LRP1: variants seen among roughly 807,000 people sequenced by gnomAD.
The protein encoded by LRP1 is LDL receptor related protein 1.
A neutral mutation model predicts 541.5 loss-of-function variants in LRP1; 51 were observed. That is an observed-to-expected ratio of 0.09 (90% confidence interval 0.08 to 0.12). LRP1 has a LOEUF of 0.12. Among genes scored for constraint, LRP1 ranks in the 10% least tolerant of loss-of-function variants. LRP1 has a pLI of 1.00. For missense variants in LRP1, 3,878 were observed against 6,376.2 expected (o/e 0.61, Z 13.34); for synonymous variants, 2,219 against 2,470.8 (o/e 0.90, Z 3.02).
rs1421634689 is a variant in LRP1 at position 57,210,662 on chromosome 12, A to G, written c.12755-56A>G. On this transcript the variant is annotated intron_variant, in intron 82 of 88. Transcript: ENST00000243077. ...GGTCCCCCCAGCCCATTCCTCTGCT[A>G]TAGGGCCAGGTGGTCTCGAGGGCCA... 5 of 1,567,098 alleles carry G rather than the reference A, an allele frequency of 3.2e-6. No individual in the cohort carries two copies. The East Asian group carries it at 6.8e-5, about 21-fold the overall frequency.
rs1300843338 is a variant in LRP1 at position 57,205,152 on chromosome 12, G to A, written c.11238G>A (p.Glu3746=). Residue 3746 remains glutamate, a synonymous_variant, in exon 73 of 89, where the codon GAG becomes GAA. Coordinates refer to ENST00000243077, the MANE Select transcript of LRP1 (RefSeq NM_002332.3). The surrounding 1 kb of genome is among the most constrained non-coding windows in gnomAD (Gnocchi z 4.6). ...AHTTHCKDKK[E]FLCRNQRCLS... ...CCACCCACTGCAAAGACAAGAAGGA[G>A]TTTCTGTGCCGGAACCAGCGCTGCC... 1 of 1,613,996 alleles carries A rather than the reference G, an allele frequency of 6.2e-7. No homozygotes were observed. Among genetic ancestry groups the A allele is most frequent in the South Asian group, 1.1e-5 (1 of 91,084 alleles).
intron 4 of LRP1, among the ~76,000 whole-genome samples, chr12:57,144,105 A>G (rs1174075298): frequency 2.0e-5 from 3 of 152,144 alleles, no homozygotes; most frequent in African/African-American, 7.2e-5. Context: ...TCCCCTTCCC[A>G]TCTCCCTGGA....
At chr12:57,187,493 G>T (rs375864831) in intron 42 of LRP1, 37 bp downstream of exon 42, 59 of 1,587,190 alleles carry the variant, frequency 3.7e-5, no homozygotes, top group Non-Finnish European at 4.7e-5. Context: ...AGCAGGGAGA[G>T]GTGGGACTCG....
intron 68 of LRP1, chr12:57,202,890 C>T (rs2036686600): frequency 5.3e-6 from 3 of 568,268 alleles, no homozygotes; most frequent in Non-Finnish European, 9.4e-6. Flanking sequence ...GTGCTTGTCT[C>T]AGTGGTCTTG....
At position 57,162,771 on chromosome 12, in the gene LRP1, A is replaced by G; in HGVS notation, c.2405-87A>G. 7.0e-7 allele frequency: 1 copy of G among 1,420,290 alleles called. No individual in the cohort carries two copies. Among genetic ancestry groups the G allele is most frequent in the Non-Finnish European group, 9.6e-7 (1 of 1,046,890 alleles). 88.0% of individuals were successfully genotyped at this position (1,420,290 alleles called of 1,614,324 possible). A position where few individuals can be genotyped will look rare whatever the true frequency, so the allele number is the denominator to read the frequency against. On this transcript the variant is annotated intron_variant, in intron 14 of 88. Transcript: ENST00000243077. The surrounding 1 kb of genome is among the most constrained non-coding windows in gnomAD (Gnocchi z 5.2). Reference sequence around the variant, plus strand: ...CCATATTTCCTCTTTCTGTCCCCACATCTTAATGTGTCTCCTCCCCTATCC... The same window carrying G: ...CCATATTTCCTCTTTCTGTCCCCACGTCTTAATGTGTCTCCTCCCCTATCC...
chr12:57,177,385 G>A lies in LRP1; in HGVS notation c.4197-42G>A, dbSNP rs1011491919. ...CGATCCCACCACAGTCGCTCCCTGA[G>A]GGCCCTGACTTTAGCCCTCCTGACC... On this transcript the variant is annotated intron_variant, in intron 25 of 88. Transcript: ENST00000243077. This position sits in a 1 kb window ranked among gnomAD's most constrained non-coding sequence, Gnocchi z 6.8. 1.3e-6 allele frequency: 2 copies of A among 1,566,836 alleles called. No individual in the cohort carries two copies. The highest frequency in any genetic ancestry group is 1.4e-5 in the African/African-American group (1 of 74,066).
chr12:57,208,933 G>A lies in LRP1; in HGVS notation c.12145+116G>A, dbSNP rs117119988. 0.019 allele frequency: 20,439 copies of A among 1,091,734 alleles called. 2,930 individuals carry two copies. In the Admixed American group the frequency reaches 0.28, roughly 15 times the overall value. The allele number at this position is 1,091,734 out of a possible 1,614,324, so 67.6% of individuals were successfully genotyped here. On this transcript the variant is annotated intron_variant, in intron 78 of 88. Coordinates refer to ENST00000243077, the MANE Select transcript of LRP1 (RefSeq NM_002332.3). The stretch of plus-strand genomic sequence containing the variant: ...TGGGATGGGGCTTGGACTGGGGCAG[G>A]GCAGATTGGCCGTGGAGGCTTTTCC...
intron 67 of LRP1, 38 bp from the exon 68 acceptor site, chr12:57,202,383 G>A: frequency 6.8e-7 from 1 of 1,473,592 alleles, no homozygotes; most frequent in Non-Finnish European, 9.5e-7. Context: ...GTCTGCCCCA[G>A]CCCTTTCCCT....
At position 57,162,487 on chromosome 12, in the gene LRP1, G is replaced by T; in HGVS notation, c.2373G>T (p.Glu791Asp). 5 of 1,614,110 alleles carry T rather than the reference G, an allele frequency of 3.1e-6. No individual in the cohort carries two copies. Among genetic ancestry groups the T allele is most frequent in the Non-Finnish European group, 4.2e-6 (5 of 1,180,022 alleles). Residue 791 changes from glutamate to aspartate, a missense_variant, in exon 14 of 89, where the codon GAG (glutamate) becomes GAT (aspartate). Glu to Asp is a conservative substitution (Grantham distance 45). This residue lies in a region of LRP1 where 496 missense variants were observed against 861.0 expected (regional missense o/e 0.58). Coordinates refer to ENST00000243077, the MANE Select transcript of LRP1 (RefSeq NM_002332.3). This position sits in a 1 kb window ranked among gnomAD's most constrained non-coding sequence, Gnocchi z 5.2. ...LLRSERPPIF[E>D]IRMYDAQQQQ... is the part of the protein sequence containing the mutation. ...GCAGTGAGCGGCCCCCCATCTTTGA[G>T]ATCCGAATGTATGATGCCCAGCAGC... is the stretch of plus-strand genomic sequence containing the variant.
At chr12:57,133,414 CCTGT>C (rs1197676408) in intron 1 of LRP1, among the ~76,000 whole-genome samples, 5 of 151,974 alleles carry the variant, frequency 3.3e-5, no homozygotes, top group African/African-American at 4.8e-5. Flanking sequence ...TCCAAGCCAC[CCTGT>C]CTGTCTGTCT....
intron 42 of LRP1, 96 bp downstream of exon 42, chr12:57,187,552 C>T (rs1480631300): frequency 9.5e-5 from 119 of 1,254,540 alleles, no homozygotes; most frequent in Non-Finnish European, 1.7e-5. Context: ...GCAGGAGAGG[C>T]AGGCCCTCAC....
intron 12 of LRP1, 77 bp from the exon 13 acceptor site, chr12:57,160,816 A>C: frequency 9.3e-7 from 1 of 1,077,646 alleles, no homozygotes. Flanking sequence ...CTGGGACAGC[A>C]CTCATGGATT....
intron 34 of LRP1, among the ~76,000 whole-genome samples, chr12:57,182,756 T>C (rs1033363451): frequency 1.1e-4 from 16 of 151,780 alleles, no homozygotes; most frequent in Non-Finnish European, 2.2e-4. Context: ...GCGGAGGTTG[T>C]GGTGAGCCGA....
Position 57,201,082 on chromosome 12 carries a change from G to A in LRP1, c.10274G>A (p.Arg3425His), listed in dbSNP as rs369992341. 1.7e-5 allele frequency: 27 copies of A among 1,613,858 alleles called. No homozygotes were observed. Among genetic ancestry groups the A allele is most frequent in the East Asian group, 2.2e-5 (1 of 44,878 alleles). The change falls in exon 65 of 89, where the codon CGC (arginine) becomes CAC (histidine). Residue 3425 changes from arginine (R) to histidine (H), a missense_variant. By Grantham distance (29) the Arg-to-His change is conservative. Around this residue, in one of 13 missense-constraint regions of LRP1, gnomAD observed 278 missense variants for 536.3 expected, o/e 0.52. Transcript: ENST00000243077. The surrounding 1 kb of genome is among the most constrained non-coding windows in gnomAD (Gnocchi z 6.4). ...PSQFKCTNTN[R>H]CIPGIFRCNG... ...CAGTTCAAATGCACCAACACCAACC[G>A]CTGTATTCCCGGCATCTTCCGCTGC...
At position 57,212,127 on chromosome 12, in the gene LRP1, T is replaced by C; in HGVS notation, c.13360T>C (p.Phe4454Leu). ...YKRRVQGAKG[F>L]QHQRMTNGAM... ...CCTGCCTTTCCCCAGGGCTAAGGGC[T>C]TCCAGCACCAACGGATGACCAACGG... Residue 4454 changes from phenylalanine to leucine, a missense_variant, in exon 88 of 89, where the codon TTC becomes CTC. Phe to Leu is a conservative substitution (Grantham distance 22). Around this residue, in one of 13 missense-constraint regions of LRP1, gnomAD observed 871 missense variants for 1,212.4 expected, o/e 0.72. Coordinates refer to ENST00000243077, the MANE Select transcript of LRP1 (RefSeq NM_002332.3). This position sits in a 1 kb window ranked among gnomAD's most constrained non-coding sequence, Gnocchi z 5.0. 3 of 1,614,010 alleles carry C rather than the reference T, an allele frequency of 1.9e-6. No homozygotes were observed. Among genetic ancestry groups the C allele is most frequent in the Non-Finnish European group, 2.5e-6 (3 of 1,179,994 alleles).
chr12:57,191,219 C>G, intron 43 of LRP1, 101 bp from the exon 44 acceptor site: 1 of 1,267,592 alleles, frequency 7.9e-7, no homozygotes, highest in East Asian at 2.5e-5. Context: ...TCTGCGGGCC[C>G]TCATTCTGTA....
Position 57,200,826 on chromosome 12 carries a change from G to GGGGCC in LRP1, c.10225+11_10225+12insGGGCC. On this transcript the variant is annotated intron_variant, in intron 64 of 88. Transcript: ENST00000243077. ...ACGAGGCCAACTGTGGTAAGGCGCTGCCCGCCCACCCTCCCTCCTTCCCCA... is the reference window on the plus strand; with the variant it reads ...ACGAGGCCAACTGTGGTAAGGCGCTGGGGCCCCCGCCCACCCTCCCTCCTTCCCCA... 9 of 1,581,312 alleles carry GGGGCC rather than the reference G, an allele frequency of 5.7e-6. No individual in the cohort carries two copies. Among genetic ancestry groups the GGGGCC allele is most frequent in the Non-Finnish European group, 7.8e-6 (9 of 1,157,568 alleles).
At chr12:57,194,326 G>A (rs765567660) in intron 48 of LRP1, 28 bp from the exon 49 acceptor site, 4 of 1,507,006 alleles carry the variant, frequency 2.7e-6, no homozygotes, top group Admixed American at 2.3e-5. Flanking sequence ...GGGGAACCAG[G>A]TATCACCCTC....
rs922996034 is a variant in LRP1 at position 57,180,372 on chromosome 12, G to C, written c.5279G>C (p.Ser1760Thr). The C allele has an allele frequency of 1.2e-6, 2 of 1,614,170 alleles. No homozygotes were observed. The highest frequency in any genetic ancestry group is 1.7e-6 in the Non-Finnish European group (2 of 1,180,040). The change falls in exon 32 of 89, where the codon AGC becomes ACC. Residue 1760 changes from serine (S) to threonine (T), a missense_variant. Ser to Thr is a moderately conservative substitution (Grantham distance 58). Transcript: ENST00000243077. ...DFPESKLYWI[S>T]SGNHTINRCN... ...CCTGAAAGCAAACTCTACTGGATCA[G>C]CTCCGGGAACCATACCATCAACCGC...
Sources: allele counts gnomAD v4.1 joint callset (sites outside exome capture counted in the v4.1 genomes callset), GRCh38; gene constraint gnomAD v4.1.1; regional missense constraint gnomAD v4.1.1; non-coding constraint Gnocchi (gnomAD v3.1); transcripts MANE v1.5; gene names NCBI Gene and HGNC (gene_info 2026-07-23, HGNC 2026-07-21).